ARHGEF25: variants seen among roughly 807,000 people sequenced by gnomAD.
ARHGEF25 encodes the protein RAC/CDC42 exchange factor.
In ARHGEF25, 42 loss-of-function variants were observed where a neutral mutation model predicts 74.0. That is an observed-to-expected ratio of 0.57 (90% CI 0.44 to 0.73). The LOEUF (loss-of-function observed/expected upper bound fraction) is 0.73, where lower values mean the gene tolerates loss of function less well. Ranked by LOEUF, ARHGEF25 falls within the 30% of genes least tolerant of loss-of-function variation. The pLI is 0.00. For missense variants in ARHGEF25, 645 were observed against 725.5 expected (o/e 0.89, Z 1.27); for synonymous variants, 293 against 278.6 (o/e 1.05, Z -0.51).
In ARHGEF25 at chr12:57,616,292, T is replaced by TCAC. The variant is rs751894289; in HGVS notation, c.1431_1433dup (p.Pro478dup). The stretch of plus-strand genomic sequence containing the variant: ...TCCTCTCTTTGCTCCAGCATTGCAG[T>TCAC]CACCCATTGAGTACCAGAGACGGGA... On this transcript the variant is annotated inframe_insertion, in exon 14 of 15. Coordinates refer to ENST00000286494, the MANE Select transcript of ARHGEF25 (RefSeq NM_182947.4). The TCAC allele has an allele frequency of 6.2e-7, 1 of 1,611,706 alleles. No homozygotes were observed. The highest frequency in any genetic ancestry group is 8.5e-7 in the Non-Finnish European group (1 of 1,179,456).
chr12:57,614,917 T>G lies in ARHGEF25; in HGVS notation c.910-50T>G, dbSNP rs1301099366. On this transcript the variant is annotated intron_variant, in intron 9 of 14. Coordinates refer to ENST00000286494, the MANE Select transcript of ARHGEF25 (RefSeq NM_182947.4). This position sits in a 1 kb window ranked among gnomAD's most constrained non-coding sequence, Gnocchi z 4.6. ...GTCCTCAGGGGAGGATGTGAGAGCT[T>G]CTAAGGGTGTCCTCGTGACCTCCCT... 6.9e-6 allele frequency: 11 copies of G among 1,605,076 alleles called. No individual in the cohort carries two copies. Among genetic ancestry groups the G allele is most frequent in the Non-Finnish European group, 9.4e-6 (11 of 1,172,874 alleles).
In ARHGEF25 at chr12:57,614,153, A is replaced by C; in HGVS notation, c.656+34A>C. On this transcript the variant is annotated intron_variant, in intron 6 of 14. Transcript: ENST00000286494. The surrounding 1 kb of genome is among the most constrained non-coding windows in gnomAD (Gnocchi z 4.6). ...TGGAACTCTGACAGCTAGGTGCTGG[A>C]GAGGGGCCCTCATCTGGTTGTCCTG... 1.2e-6 allele frequency: 2 copies of C among 1,608,782 alleles called. No homozygotes were observed. Among genetic ancestry groups the C allele is most frequent in the Non-Finnish European group, 1.7e-6 (2 of 1,175,418 alleles).
intron 4 of ARHGEF25, 24 bp downstream of exon 4, chr12:57,613,540 G>T (rs762284398): frequency 5.0e-6 from 8 of 1,613,866 alleles, no homozygotes; most frequent in South Asian, 3.3e-5. Context: ...GCCCTTCCCT[G>T]CAGTTGCACA....
rs1215763008 is a variant in ARHGEF25, at chr12:57,613,794, C to T, written c.552+34C>T. 12 of 1,609,022 alleles carry T rather than the reference C, an allele frequency of 7.5e-6. No homozygotes were observed. The East Asian group carries it at 2.5e-4, about 33-fold the overall frequency. On this transcript the variant is annotated intron_variant, in intron 5 of 14. Coordinates refer to ENST00000286494, the MANE Select transcript of ARHGEF25 (RefSeq NM_182947.4). ...CTTTACCCCTTCCCAGCCCCTCCTG[C>T]CTGCTTTTCCATCTGCCCAGGGCTA...
chr12:57,614,418 A>G lies in ARHGEF25; in HGVS notation c.726+18A>G. 1 of 1,614,058 alleles carries G rather than the reference A, an allele frequency of 6.2e-7. No individual in the cohort carries two copies. Among genetic ancestry groups the G allele is most frequent in the Non-Finnish European group, 8.5e-7 (1 of 1,179,952 alleles). Reference sequence around the variant, plus strand: ...TCAAACACGTGAGGCTTGAGGGGGCAGGGCCTGGGGCGGGGCTTAGGAATG... The same window carrying G: ...TCAAACACGTGAGGCTTGAGGGGGCGGGGCCTGGGGCGGGGCTTAGGAATG... On this transcript the variant is annotated intron_variant, in intron 7 of 14. Coordinates refer to ENST00000286494, the MANE Select transcript of ARHGEF25 (RefSeq NM_182947.4). This position sits in a 1 kb window ranked among gnomAD's most constrained non-coding sequence, Gnocchi z 4.6.
rs995510413 is a variant in ARHGEF25 at position 57,614,916 on chromosome 12, T to G, written c.910-51T>G. The G allele has an allele frequency of 6.9e-6, 11 of 1,604,724 alleles. No individual in the cohort carries two copies. The African/African-American group carries it at 1.3e-4, about 20-fold the overall frequency. Reference sequence around the variant, plus strand: ...TGTCCTCAGGGGAGGATGTGAGAGCTTCTAAGGGTGTCCTCGTGACCTCCC... The same window carrying G: ...TGTCCTCAGGGGAGGATGTGAGAGCGTCTAAGGGTGTCCTCGTGACCTCCC... On this transcript the variant is annotated intron_variant, in intron 9 of 14. Coordinates refer to ENST00000286494, the MANE Select transcript of ARHGEF25 (RefSeq NM_182947.4). This position sits in a 1 kb window ranked among gnomAD's most constrained non-coding sequence, Gnocchi z 4.6.
rs1205117283 is a variant in ARHGEF25, at chr12:57,614,910, G to A, written c.910-57G>A. 8 of 1,601,582 alleles carry A rather than the reference G, an allele frequency of 5.0e-6. No homozygotes were observed. Among genetic ancestry groups the A allele is most frequent in the Non-Finnish European group, 6.0e-6 (7 of 1,170,586 alleles). On this transcript the variant is annotated intron_variant, in intron 9 of 14. Transcript: ENST00000286494. The surrounding 1 kb of genome is among the most constrained non-coding windows in gnomAD (Gnocchi z 4.6). ...CACTGGTGTCCTCAGGGGAGGATGTGAGAGCTTCTAAGGGTGTCCTCGTGA... is the reference window on the plus strand; with the variant it reads ...CACTGGTGTCCTCAGGGGAGGATGTAAGAGCTTCTAAGGGTGTCCTCGTGA...
rs1347449821 is a variant in ARHGEF25 at position 57,612,723 on chromosome 12, G to A, written c.98-207G>A. 3.5e-6 allele frequency: 5 copies of A among 1,446,106 alleles called. No homozygotes were observed. In the East Asian group the frequency reaches 7.0e-5, roughly 20 times the overall value. The allele number at this position is 1,446,106 out of a possible 1,614,324, so 89.6% of individuals were successfully genotyped here. ...TAACTGGGGGTTCCAGGCCTGGAGAGCCAGGCGTTTACCTTACTGTGCTTT... is the reference window on the plus strand; with the variant it reads ...TAACTGGGGGTTCCAGGCCTGGAGAACCAGGCGTTTACCTTACTGTGCTTT... On this transcript the variant is annotated intron_variant, in intron 1 of 14. Transcript: ENST00000286494.
rs527974498 is a variant in ARHGEF25 at position 57,613,697 on chromosome 12, T to G, written c.489T>G (p.Tyr163Ter). 1 of 1,614,106 alleles carries G rather than the reference T, an allele frequency of 6.2e-7. No individual in the cohort carries two copies. Among genetic ancestry groups the G allele is most frequent in the Admixed American group, 1.7e-5 (1 of 60,012 alleles). ...CCTCCTCCTGCTTTCATCCTAGGTA[T>G]GTCCTGAGTGAACTGGTAGAAACAG... ...QKKKALERSMYVLSELVETEK... is the reference protein window; with the variant it reads ...QKKKALERSM Residue 163 changes from tyrosine (Y) to a stop codon, truncating the protein, a stop_gained, in exon 5 of 15, where the codon TAT (tyrosine) becomes TAG (stop). Coordinates refer to ENST00000286494, the MANE Select transcript of ARHGEF25 (RefSeq NM_182947.4). LOFTEE classifies it high-confidence loss of function.
chr12:57,615,018 G>A lies in ARHGEF25; in HGVS notation c.960+1G>A. 2 of 1,614,048 alleles carry A rather than the reference G, an allele frequency of 1.2e-6. No homozygotes were observed. Among genetic ancestry groups the A allele is most frequent in the Non-Finnish European group, 1.7e-6 (2 of 1,179,944 alleles). On this transcript the variant is annotated splice_donor_variant, in intron 10 of 14. Transcript: ENST00000286494. LOFTEE classifies it high-confidence loss of function. ...TGGGATGGATACTGCAGACCTAGAGGTGAGGACCCCAGATCTTCCAGGACA... is the reference window on the plus strand; with the variant it reads ...TGGGATGGATACTGCAGACCTAGAGATGAGGACCCCAGATCTTCCAGGACA...
At position 57,614,822 on chromosome 12, in the gene ARHGEF25, C is replaced by T; in HGVS notation, c.909+41C>T. On this transcript the variant is annotated intron_variant, in intron 9 of 14. Coordinates refer to ENST00000286494, the MANE Select transcript of ARHGEF25 (RefSeq NM_182947.4). This position sits in a 1 kb window ranked among gnomAD's most constrained non-coding sequence, Gnocchi z 4.6. ...TTCCTGGGGGCACAGCTGGCTGGCA[C>T]AGCTGTTTCCTCATTCATCTCCCCA... is the stretch of plus-strand genomic sequence containing the variant. 1.3e-6 allele frequency: 2 copies of T among 1,582,010 alleles called. No individual in the cohort carries two copies. The highest frequency in any genetic ancestry group is 1.7e-6 in the Non-Finnish European group (2 of 1,162,312).
chr12:57,610,348 TCTTTCGGGGC>T (rs1360575195), upstream of ARHGEF25: 3 of 1,062,714 alleles, frequency 2.8e-6, no homozygotes, highest in Non-Finnish European at 4.0e-6. Context: ...GGGTCGGGGG[TCTTTCGGGGC>T]CTTCAGGAGG....
chr12:57,611,456 GGACCCGCAC>G lies in ARHGEF25; in HGVS notation c.-438_-430del, dbSNP rs1189648017. On this transcript the variant is annotated 5_prime_UTR_variant, in exon 1 of 15. Coordinates refer to ENST00000286494, the MANE Select transcript of ARHGEF25 (RefSeq NM_182947.4). The surrounding 1 kb of genome is among the most constrained non-coding windows in gnomAD (Gnocchi z 4.5). ...TGTTATTCAGCTCTCCGCTCCGCTGGGACCCGCACAGCGCCAGTGGCTCGGGGGTCGGCC... is the reference window on the plus strand; with the variant it reads ...TGTTATTCAGCTCTCCGCTCCGCTGGAGCGCCAGTGGCTCGGGGGTCGGCC... The G allele has an allele frequency of 2.0e-6, 2 of 985,348 alleles. No homozygotes were observed. The highest frequency in any genetic ancestry group is 2.4e-6 in the Non-Finnish European group (2 of 830,040). 61.0% of individuals were successfully genotyped at this position (985,348 alleles called of 1,614,324 possible).
rs1468260729 is a variant in ARHGEF25, at chr12:57,612,993, C to A, written c.161C>A (p.Ala54Asp). The A allele has an allele frequency of 6.2e-7, 1 of 1,614,146 alleles. No homozygotes were observed. Among genetic ancestry groups the A allele is most frequent in the Admixed American group, 1.7e-5 (1 of 60,028 alleles). ...ISASAASGLA[A>D]PSGPSSGLSS... ...GCTTCTGCTGCCTCCGGTCTGGCTG[C>A]CCCCTCTGGCCCCAGCTCTGGCCTC... is the stretch of plus-strand genomic sequence containing the variant. The change falls in exon 2 of 15, where the codon GCC (alanine) becomes GAC (aspartate). Residue 54 changes from alanine (A) to aspartate (D), a missense_variant. Physicochemically the swap from Ala to Asp is moderately radical, Grantham distance 126 (BLOSUM62 -2). Around this residue, in one of 3 missense-constraint regions of ARHGEF25, gnomAD observed 189 missense variants for 199.1 expected, o/e 0.95. Coordinates refer to ENST00000286494, the MANE Select transcript of ARHGEF25 (RefSeq NM_182947.4).
At chr12:57,612,895 A>G in intron 1 of ARHGEF25, 35 bp from the exon 2 acceptor site, 1 of 1,595,382 alleles carries the variant, frequency 6.3e-7, no homozygotes, top group Non-Finnish European at 8.6e-7. Context: ...AGCTGGGGCA[A>G]GGTCTATCAC....
At chr12:57,610,301 C>T (rs769538081), upstream of ARHGEF25, 10 of 1,546,984 alleles carry the variant, frequency 6.5e-6, no homozygotes, top group South Asian at 1.2e-4. Context: ...ATGCGCCCTC[C>T]CTGGGCAGGA....
rs747710445 is a variant in ARHGEF25 at position 57,613,356 on chromosome 12, G to T, written c.405G>T (p.Thr135=). The T allele has an allele frequency of 6.2e-7, 1 of 1,614,230 alleles. No homozygotes were observed. The highest frequency in any genetic ancestry group is 1.7e-5 in the Admixed American group (1 of 60,026). ...TTLLEGPGDK[T]QPPEEETLSQ... ...TGTTGGAGGGCCCTGGAGATAAGAC[G>T]CAGGTGTGAGGACAGGCTCTGGGGA... Residue 135 remains threonine, a synonymous_variant, in exon 3 of 15, where the codon ACG becomes ACT. Coordinates refer to ENST00000286494, the MANE Select transcript of ARHGEF25 (RefSeq NM_182947.4).
In ARHGEF25 at chr12:57,616,268, C is replaced by T; in HGVS notation, c.1421-16C>T. 2 of 1,603,788 alleles carry T rather than the reference C, an allele frequency of 1.2e-6. No homozygotes were observed. The highest frequency in any genetic ancestry group is 2.2e-5 in the South Asian group (2 of 89,530). On this transcript the variant is annotated splice_polypyrimidine_tract_variant and intron_variant, in intron 13 of 14. Coordinates refer to ENST00000286494, the MANE Select transcript of ARHGEF25 (RefSeq NM_182947.4). ...TCTCTGCGGTAACCCTCCTTCTGTT[C>T]CTCTCTTTGCTCCAGCATTGCAGTC...
At chr12:57,616,110 C>A in intron 13 of ARHGEF25, 93 bp downstream of exon 13, 2 of 1,503,794 alleles carry the variant, frequency 1.3e-6, no homozygotes, top group Admixed American at 2.0e-5. Flanking sequence ...TACCCTCTGA[C>A]CATGGCCCAT....
Sources: gnomAD v4.1 joint callset for allele counts on GRCh38, gnomAD v4.1.1 for gene constraint, gnomAD v4.1.1 regional missense constraint, Gnocchi (gnomAD v3.1) non-coding constraint, MANE v1.5 for transcripts, NCBI Gene and HGNC (gene_info 2026-07-23, HGNC 2026-07-21) for gene names.